Variants in GSR observed in about 807,000 individuals in gnomAD.
The protein encoded by GSR is glutathione reductase, mitochondrial.
A neutral mutation model predicts 56.5 loss-of-function variants in GSR; 48 were observed. That is an observed-to-expected ratio of 0.85 (90% CI 0.67 to 1.08). GSR has a LOEUF of 1.08. Among genes scored for constraint, GSR ranks in the 50% least tolerant of loss-of-function variants. GSR has a pLI of 0.00. For synonymous variants in GSR, 264 were observed against 270.8 expected, an observed-to-expected ratio of 0.97 and a Z score of 0.25; for missense variants, 694 against 703.3, an observed-to-expected ratio of 0.99 and a Z score of 0.15.
intron 4 of GSR, 99 bp downstream of exon 4, chr8:30,707,973 A>AAAAT (rs1181593447): frequency 1.1e-5 from 8 of 722,846 alleles, no homozygotes; most frequent in Non-Finnish European, 1.8e-5. Context: ...AATAATAATA[A>AAAAT]AAATAAATAA....
intron 5 of GSR, among the ~76,000 whole-genome samples, chr8:30,702,619 T>C (rs1355277621): frequency 6.6e-6 from 1 of 152,110 alleles, no homozygotes; most frequent in Non-Finnish European, 1.5e-5. Context: ...CTCCCTCTGT[T>C]ACCTGCAATA....
intron 1 of GSR, among the ~76,000 whole-genome samples, chr8:30,718,111 A>AAAATAAAT (rs35132121): frequency 0.1 from 15,458 of 147,694 alleles, 832 homozygotes; most frequent in African/African-American, 0.12. Context: ...CAAAAAAATA[A>AAAATAAAT]AAATAAATAA....
At chr8:30,689,794 C>T (rs932213067) in intron 8 of GSR, among the ~76,000 whole-genome samples, 72 of 135,156 alleles carry the variant, frequency 5.3e-4, no homozygotes, top group African/African-American at 4.4e-4. Context: ...AATAAATATA[C>T]GTATATTTAT....
Position 30,727,640 on chromosome 8 carries a change from C to T in GSR, c.196G>A (p.Asp66Asn), listed in dbSNP as rs1350942803. ...PPAAGAVASYDYLVIGGGSGG... is the reference protein window; with the variant it reads ...PPAAGAVASYNYLVIGGGSGG... Reference sequence around the variant, plus strand: ...GAGCCGCCCCCGATCACCAGGTAGTCATAGGAGGCCACGGCGCCAGCAGCG... The same window carrying T: ...GAGCCGCCCCCGATCACCAGGTAGTTATAGGAGGCCACGGCGCCAGCAGCG... Residue 66 changes from aspartate to asparagine, a missense_variant, in exon 1 of 13, where the codon GAC becomes AAC. By Grantham distance (23) the Asp-to-Asn change is conservative. Transcript: ENST00000221130. The T allele has an allele frequency of 6.8e-7, 1 of 1,479,788 alleles. No individual in the cohort carries two copies. The highest frequency in any genetic ancestry group is 8.9e-7 in the Non-Finnish European group (1 of 1,123,724). The allele number at this position is 1,479,788 out of a possible 1,614,324, so 91.7% of individuals were successfully genotyped here.
chr8:30,701,431 A>C (rs1803737091), intron 5 of GSR, among the ~76,000 whole-genome samples: 1 of 151,140 alleles, frequency 6.6e-6, no homozygotes, highest in African/African-American at 2.4e-5. Flanking sequence ...CTCCCATTGC[A>C]CTCCAGCCTG....
Position 30,688,800 on chromosome 8 carries a change from A to G in GSR, c.1041+361T>C, listed in dbSNP as rs8191007. 9.8e-4 allele frequency among the ~76,000 whole-genome samples: 148 copies of G among 151,678 alleles called. 1 individual carries two copies. In the South Asian group the frequency reaches 0.012, roughly 12 times the overall value. On this transcript the variant is annotated intron_variant, in intron 9 of 12. Transcript: ENST00000221130. ...ATTAGCTGGGCATTGTGGCACACAC[A>G]TAGTTCCATCTACTCCAGAAGCTGA...
At chr8:30,684,374 G>A (rs1803084856) in intron 9 of GSR, among the ~76,000 whole-genome samples, 175 bp from the exon 10 acceptor site, 2 of 152,092 alleles carry the variant, frequency 1.3e-5, no homozygotes. Flanking sequence ...TTTCAAGCTG[G>A]GTACAGTGGG....
chr8:30,705,350 C>T (rs926873008), intron 4 of GSR, among the ~76,000 whole-genome samples: 2 of 152,028 alleles, frequency 1.3e-5, no homozygotes, highest in Non-Finnish European at 2.9e-5. Context: ...GCAAGCTCCG[C>T]CTCCAGGGTT....
At chr8:30,726,453 A>T (rs1349436106) in intron 1 of GSR, among the ~76,000 whole-genome samples, 1 of 152,152 alleles carries the variant, frequency 6.6e-6, no homozygotes, top group Non-Finnish European at 1.5e-5. Flanking sequence ...CACACCAATA[A>T]CTTGGAAACA....
chr8:30,708,164 A>G, intron 3 of GSR, 23 bp from the exon 4 acceptor site: 1 of 1,558,782 alleles, frequency 6.4e-7, no homozygotes, highest in Non-Finnish European at 8.9e-7. Flanking sequence ...CCAAGTCAGT[A>G]TTCAGAAACA....
intron 6 of GSR, among the ~76,000 whole-genome samples, chr8:30,696,842 T>C (rs1446325075): frequency 6.6e-6 from 1 of 152,060 alleles, no homozygotes; most frequent in Admixed American, 6.6e-5. Context: ...ACTACAGACA[T>C]TCATCGCCAC....
chr8:30,725,995 A>G (rs556966194), intron 1 of GSR, among the ~76,000 whole-genome samples: 6 of 152,192 alleles, frequency 3.9e-5, no homozygotes, highest in Non-Finnish European at 5.9e-5. Context: ...GGAGAGCAGA[A>G]CAGAAGTGAG....
intron 2 of GSR, among the ~76,000 whole-genome samples, chr8:30,710,713 TCAAA>T (rs1563540914): frequency 5.5e-5 from 2 of 36,256 alleles, no homozygotes; most frequent in East Asian, 7.8e-4. Context: ...AGACTCTGTC[TCAAA>T]AAAAAAAAAA....
intron 5 of GSR, among the ~76,000 whole-genome samples, chr8:30,702,106 T>G (rs1233979163): frequency 6.6e-6 from 1 of 151,920 alleles, no homozygotes; most frequent in African/African-American, 2.4e-5. Context: ...TCCCAGCACT[T>G]TGGGAGGCCG....
chr8:30,708,046 C>CA (rs1803975892), intron 4 of GSR, 26 bp downstream of exon 4: 1 of 1,547,232 alleles, frequency 6.5e-7, no homozygotes, highest in South Asian at 1.1e-5. Context: ...AGCTCTTTCT[C>CA]AAAGTTAAAA....
intron 12 of GSR, among the ~76,000 whole-genome samples, chr8:30,680,385 T>TG (rs71206272): frequency 0.64 from 65,654 of 102,352 alleles, 21,483 homozygotes; most frequent in East Asian, 0.8. Context: ...TCTCCTGTTT[T>TG]TTTTTTTTTT....
intron 9 of GSR, among the ~76,000 whole-genome samples, chr8:30,684,934 TTTATTTATTTA>T (rs1235781749): frequency 2.5e-4 from 1 of 3,964 alleles, no homozygotes. Context: ...CATACATTTA[TTTATTTATTTA>T]TTTATTTATT....
At position 30,678,141 on chromosome 8, in the gene GSR, T is replaced by C. The variant is rs1314494069; in HGVS notation, c.*1379A>G. 1 of 151,986 alleles carries C rather than the reference T, an allele frequency of 6.6e-6. No individual in the cohort carries two copies. Among genetic ancestry groups the C allele is most frequent in the African/African-American group, 2.4e-5 (1 of 41,404 alleles). The allele number at this position is 151,986 out of a possible 1,614,324, so 9.4% of individuals were successfully genotyped here. A position where few individuals can be genotyped will look rare whatever the true frequency, so the allele number is the denominator to read the frequency against. ...AAAAAAATAAAATGACAAGAACACA[T>C]ACAAATATTGAAATTATTCATTGAA... On this transcript the variant is annotated 3_prime_UTR_variant, in exon 13 of 13. Transcript: ENST00000221130.
Position 30,692,973 on chromosome 8 carries a change from G to T in GSR, c.878C>A (p.Ser293Tyr). 1 of 1,604,984 alleles carries T rather than the reference G, an allele frequency of 6.2e-7. No individual in the cohort carries two copies. ...ENAGVEVLKFSQVKEVKKTLS... is the reference protein window; with the variant it reads ...ENAGVEVLKFYQVKEVKKTLS... The stretch of plus-strand genomic sequence containing the variant: ...TGCCTGGGCTTGGCACTGTACCTGG[G>T]AGAACTTCAGCACCTCCACGCCAGC... The change falls in exon 8 of 13, where the codon TCC becomes TAC. Residue 293 changes from serine (S) to tyrosine (Y), a missense_variant. Transcript: ENST00000221130.
Sources: gnomAD v4.1 joint callset for allele counts (sites outside exome capture counted in the v4.1 genomes callset) on GRCh38, gnomAD v4.1.1 for gene constraint, MANE v1.5 for transcripts, NCBI Gene and HGNC (gene_info 2026-07-23, HGNC 2026-07-21) for gene names.